BMP6: variants seen among roughly 807,000 people sequenced by gnomAD.
The protein encoded by BMP6 is bone morphogenetic protein 6.
A neutral mutation model predicts 54.1 loss-of-function variants in BMP6; 17 were observed. The observed-to-expected ratio is 0.31, with a 90% CI of 0.22 to 0.47. BMP6 has a LOEUF of 0.47. BMP6 is among the 20% of genes least tolerant of loss of function. BMP6 has a pLI of 1.00. For missense variants in BMP6, 720 were observed against 690.4 expected (o/e 1.04, Z -0.48); for synonymous variants, 328 against 291.2 (o/e 1.13, Z -1.28).
chr6:7,767,126 A>G (rs937169499), intron 1 of BMP6, among the ~76,000 whole-genome samples: 1 of 151,816 alleles, frequency 6.6e-6, no homozygotes, highest in African/African-American at 2.4e-5. Flanking sequence ...AGCTGGGACT[A>G]CAGGTGCCGG....
intron 1 of BMP6, among the ~76,000 whole-genome samples, chr6:7,754,874 C>G (rs921649210): frequency 2.0e-5 from 3 of 152,096 alleles, no homozygotes; most frequent in African/African-American, 7.2e-5. Flanking sequence ...CTTGCCACCA[C>G]GCCCGGCTAA....
At position 7,727,479 on chromosome 6, in the gene BMP6, C is replaced by G; in HGVS notation, c.524C>G (p.Pro175Arg). The change falls in exon 1 of 7, where the codon CCC becomes CGC. Residue 175 changes from proline to arginine, a missense_variant. Transcript: ENST00000283147. ...AASSSQRRQP[P>R]PGAAHPLNRK... The stretch of plus-strand genomic sequence containing the variant: ...AGCTCGTCCCAGCGTCGGCAGCCGC[C>G]CCCGGGCGCCGCGCACCCGCTCAAC... 1 of 1,594,316 alleles carries G rather than the reference C, an allele frequency of 6.3e-7. No homozygotes were observed. Among genetic ancestry groups the G allele is most frequent in the South Asian group, 1.1e-5 (1 of 89,838 alleles).
intron 1 of BMP6, among the ~76,000 whole-genome samples, chr6:7,727,939 C>T (rs1761775962): frequency 6.6e-6 from 1 of 151,068 alleles, no homozygotes; most frequent in East Asian, 2.0e-4. Context: ...CTTTTTTTCA[C>T]TTCTGCCCAG....
intron 1 of BMP6, among the ~76,000 whole-genome samples, chr6:7,819,934 C>A (rs1391404146): frequency 6.6e-6 from 1 of 152,192 alleles, no homozygotes; most frequent in East Asian, 1.9e-4. Flanking sequence ...GAGTATTTAA[C>A]AACTTCTTTA....
At chr6:7,827,990 A>G (rs2113232145) in intron 1 of BMP6, among the ~76,000 whole-genome samples, 2 of 152,360 alleles carry the variant, frequency 1.3e-5, no homozygotes, top group Admixed American at 1.3e-4. Flanking sequence ...TTTTTTAAGA[A>G]CAGAAAGATG....
chr6:7,767,774 C>G (rs953653040), intron 1 of BMP6, among the ~76,000 whole-genome samples: 3 of 152,274 alleles, frequency 2.0e-5, no homozygotes, highest in Non-Finnish European at 4.4e-5. Context: ...CTTGCTGTGT[C>G]TCTTGTGTTT....
intron 1 of BMP6, among the ~76,000 whole-genome samples, chr6:7,801,859 C>A (rs1327967867): frequency 1.3e-5 from 2 of 152,160 alleles, no homozygotes; most frequent in Non-Finnish European, 2.9e-5. Context: ...GCAGAAGCAA[C>A]GGCCTGATAT....
intron 1 of BMP6, among the ~76,000 whole-genome samples, chr6:7,730,184 T>C (rs989531103): frequency 1.3e-5 from 2 of 152,236 alleles, no homozygotes; most frequent in African/African-American, 2.4e-5. Flanking sequence ...TTTCGTGGGC[T>C]ACAGGGACAC....
At chr6:7,802,494 G>A (rs1561776440) in intron 1 of BMP6, among the ~76,000 whole-genome samples, 1 of 152,176 alleles carries the variant, frequency 6.6e-6, no homozygotes, top group Non-Finnish European at 1.5e-5. Flanking sequence ...ACAAGTAAGG[G>A]GTTTCTAATA....
At chr6:7,784,859 C>G (rs1757998989) in intron 1 of BMP6, among the ~76,000 whole-genome samples, 1 of 152,164 alleles carries the variant, frequency 6.6e-6, no homozygotes, top group Non-Finnish European at 1.5e-5. Context: ...GCACAGTCAC[C>G]TCCTCCTTGC....
At chr6:7,747,434 G>A (rs919568541) in intron 1 of BMP6, among the ~76,000 whole-genome samples, 2 of 152,164 alleles carry the variant, frequency 1.3e-5, no homozygotes, top group Non-Finnish European at 2.9e-5. Flanking sequence ...TGGAGGAAGG[G>A]GTCCCCAGGC....
chr6:7,825,526 G>A (rs1365286145), intron 1 of BMP6, among the ~76,000 whole-genome samples: 1 of 151,976 alleles, frequency 6.6e-6, no homozygotes, highest in East Asian at 1.9e-4. Context: ...TTCGAGACCA[G>A]CCTGACCAAT....
Position 7,727,114 on chromosome 6 carries a change from G to T in BMP6, c.159G>T (p.Thr53=). ...GGGACGGCGGGAGCCCCGGCCGCAC[G>T]GAGCAGCCGCCGCCGTCGCCGCAGT... ...LLGDGGSPGR[T]EQPPPSPQSS... Residue 53 remains threonine, a synonymous_variant, in exon 1 of 7, where the codon ACG becomes ACT. Transcript: ENST00000283147. 1 of 1,455,692 alleles carries T rather than the reference G, an allele frequency of 6.9e-7. No individual in the cohort carries two copies. The highest frequency in any genetic ancestry group is 9.1e-7 in the Non-Finnish European group (1 of 1,101,842). 90.2% of individuals were successfully genotyped at this position (1,455,692 alleles called of 1,614,324 possible). A position where few individuals can be genotyped will look rare whatever the true frequency, so the allele number is the denominator to read the frequency against.
intron 1 of BMP6, among the ~76,000 whole-genome samples, chr6:7,782,245 C>G (rs1271768656): frequency 7.0e-6 from 1 of 142,758 alleles, no homozygotes; most frequent in Non-Finnish European, 1.6e-5. Context: ...CTCTAGGAAG[C>G]CCCCCACACC....
At chr6:7,846,795 C>G (rs938275459) in intron 2 of BMP6, among the ~76,000 whole-genome samples, 1 of 152,130 alleles carries the variant, frequency 6.6e-6, no homozygotes, top group Non-Finnish European at 1.5e-5. Context: ...GTTGATACTT[C>G]AGAGATAATT....
intron 1 of BMP6, among the ~76,000 whole-genome samples, chr6:7,839,043 G>GT (rs1387430525): frequency 6.6e-6 from 1 of 151,914 alleles, no homozygotes; most frequent in Non-Finnish European, 1.5e-5. Context: ...TGGTTTGCTA[G>GT]TTTAAAAGAG....
In BMP6 at chr6:7,761,681, A is replaced by G. The variant is rs536626833; in HGVS notation, c.664+34062A>G. ...GCTGTTCTTTACCTGCTCTTGGCCA[A>G]CCTTCAAGGCCCATCTCAAATGGTG... is the stretch of plus-strand genomic sequence containing the variant. On this transcript the variant is annotated intron_variant, in intron 1 of 6. Transcript: ENST00000283147. Among the ~76,000 whole-genome samples, 3 of 152,200 alleles carry G rather than the reference A, an allele frequency of 2.0e-5. No individual in the cohort carries two copies. In the East Asian group the frequency reaches 5.8e-4, roughly 29 times the overall value.
At chr6:7,840,410 T>G (rs6903877) in intron 1 of BMP6, among the ~76,000 whole-genome samples, 10,508 of 152,218 alleles carry the variant, frequency 0.069, 559 homozygotes, top group African/African-American at 0.15. Context: ...TGCTTTACTA[T>G]TATGCTTCAT....
chr6:7,755,719 T>C (rs1757504855), intron 1 of BMP6, among the ~76,000 whole-genome samples: 1 of 152,152 alleles, frequency 6.6e-6, no homozygotes, highest in Non-Finnish European at 1.5e-5. Context: ...TAACTTTTCA[T>C]GTAATACTTG....
Sources: allele counts gnomAD v4.1 joint callset (sites outside exome capture counted in the v4.1 genomes callset), GRCh38; gene constraint gnomAD v4.1.1; transcripts MANE v1.5; gene names NCBI Gene and HGNC (gene_info 2026-07-23, HGNC 2026-07-21).